The following PSMB8 variants were observed in gnomAD, a reference collection of about 807,000 sequenced individuals.
The protein encoded by PSMB8 is proteasome subunit beta type-8.
In PSMB8, 20 loss-of-function variants were observed where a neutral mutation model predicts 32.3. The ratio of observed to expected loss-of-function variants is 0.62; its 90% confidence interval spans 0.44 to 0.90. The LOEUF is 0.90. Ranked by LOEUF, PSMB8 falls within the 40% of genes least tolerant of loss-of-function variation. PSMB8 has a pLI of 0.00. For missense variants in PSMB8, 342 were observed against 365.4 expected (o/e 0.94, Z 0.52); for synonymous variants, 131 against 135.4 (o/e 0.97, Z 0.23).
chr6:32,844,310 G>C, upstream of PSMB8: 1 of 1,613,946 alleles, frequency 6.2e-7, no homozygotes, highest in Non-Finnish European at 8.5e-7. Flanking sequence ...GGAAACAGGG[G>C]TGGGTAGGGT....
intron 4 of PSMB8, 26 bp downstream of exon 4, chr6:32,842,108 G>A: frequency 6.2e-7 from 1 of 1,613,068 alleles, no homozygotes; most frequent in Non-Finnish European, 8.5e-7. Flanking sequence ...CATGGTGGGG[G>A]AACATGAAGA....
chr6:32,841,446 C>A lies in PSMB8; in HGVS notation c.742+85G>T, dbSNP rs2071627. ...AGAGACGGGGTTTCGCCATGTTGGC[C>A]AGGCTGGTTTCTCAATCTTAAATCA... On this transcript the variant is annotated intron_variant, in intron 5 of 5. Coordinates refer to ENST00000374882, the MANE Select transcript of PSMB8 (RefSeq NM_148919.4). The A allele has an allele frequency of 0.39, 549,812 of 1,392,178 alleles. 111,468 individuals carry two copies. The highest frequency in any genetic ancestry group is 0.48 in the Middle Eastern group (1,929 of 4,012). 86.2% of individuals were successfully genotyped at this position (1,392,178 alleles called of 1,614,324 possible). A position where few individuals can be genotyped will look rare whatever the true frequency, so the allele number is the denominator to read the frequency against.
upstream of PSMB8, chr6:32,844,466 CA>C: frequency 6.2e-7 from 1 of 1,608,640 alleles, no homozygotes; most frequent in Admixed American, 1.7e-5. Context: ...GTCTTGGAAA[CA>C]GGTCCTGGGC....
chr6:32,840,928 G>A lies in PSMB8; in HGVS notation c.*31C>T, dbSNP rs1201588718. ...TCCCTGAGTCGGCCAAGACCTCCCAGAGGAGACCTGCCCAGCTGCCACCAC... is the reference window on the plus strand; with the variant it reads ...TCCCTGAGTCGGCCAAGACCTCCCAAAGGAGACCTGCCCAGCTGCCACCAC... On this transcript the variant is annotated 3_prime_UTR_variant, in exon 6 of 6. Coordinates refer to ENST00000374882, the MANE Select transcript of PSMB8 (RefSeq NM_148919.4). 4.4e-6 allele frequency: 7 copies of A among 1,581,054 alleles called. No homozygotes were observed. The highest frequency in any genetic ancestry group is 6.1e-6 in the Non-Finnish European group (7 of 1,150,112).
chr6:32,841,420 TAG>T, intron 5 of PSMB8, 109 bp downstream of exon 5: 1 of 1,146,466 alleles, frequency 8.7e-7, no homozygotes, highest in Non-Finnish European at 1.3e-6. Flanking sequence ...GTAGTTTTAG[TAG>T]AGACGGGGTT....
intron 5 of PSMB8, 115 bp from the exon 6 acceptor site, chr6:32,841,162 C>T (rs1562347765): frequency 5.4e-6 from 5 of 922,932 alleles, no homozygotes; most frequent in Middle Eastern, 2.1e-4. Context: ...AACCATATGA[C>T]TGGGCCTTTA....
upstream of PSMB8, chr6:32,844,492 T>A: frequency 6.4e-7 from 1 of 1,553,420 alleles, no homozygotes; most frequent in South Asian, 1.1e-5. Context: ...TGCAACAGAA[T>A]ATACCCGCCG....
chr6:32,844,211 C>G, upstream of PSMB8: 3 of 1,590,350 alleles, frequency 1.9e-6, no homozygotes, highest in African/African-American at 1.3e-5. Context: ...AAGGGTCTTC[C>G]GAAGAAAGCG....
intron 3 of PSMB8, 42 bp from the exon 4 acceptor site, chr6:32,842,305 C>G (rs945825518): frequency 1.2e-6 from 2 of 1,609,638 alleles, no homozygotes; most frequent in African/African-American, 2.7e-5. Flanking sequence ...GAGGTTAGCT[C>G]TTTCCAACTT....
chr6:32,843,917 C>G lies in PSMB8; in HGVS notation c.80G>C (p.Arg27Pro). The G allele has an allele frequency of 6.2e-7, 1 of 1,612,642 alleles. No individual in the cohort carries two copies. The highest frequency in any genetic ancestry group is 8.5e-7 in the Non-Finnish European group (1 of 1,179,930). ...GAAACTGTAGTGTCCTGGGTCCGAGCGACGCCCGCTTCCCGCAACCGGGAG... is the reference window on the plus strand; with the variant it reads ...GAAACTGTAGTGTCCTGGGTCCGAGGGACGCCCGCTTCCCGCAACCGGGAG... ...SALPVAGSGRRSDPGHYSFSM... is the reference protein window; with the variant it reads ...SALPVAGSGRPSDPGHYSFSM... The change falls in exon 1 of 6, where the codon CGC (arginine) becomes CCC (proline). Residue 27 changes from arginine to proline, a missense_variant. Coordinates refer to ENST00000374882, the MANE Select transcript of PSMB8 (RefSeq NM_148919.4).
In PSMB8 at chr6:32,843,102, A is replaced by G. The variant is rs1770037042; in HGVS notation, c.148-13T>C. 6.2e-7 allele frequency: 1 copy of G among 1,612,942 alleles called. No homozygotes were observed. The highest frequency in any genetic ancestry group is 1.7e-5 in the Admixed American group (1 of 60,006). On this transcript the variant is annotated splice_polypyrimidine_tract_variant and intron_variant, in intron 1 of 5. Coordinates refer to ENST00000374882, the MANE Select transcript of PSMB8 (RefSeq NM_148919.4). ...AGAATTCTGTGGGCTGATAAGAGAA[A>G]AGAGGTTGAGAAAGGCAATGAAAAA...
At position 32,841,550 on chromosome 6, in the gene PSMB8, AT is replaced by A. The variant is rs771095269; in HGVS notation, c.722del (p.Tyr241PhefsTer11). ...AIAYATHRDS[Y>X]SGGVVNMYHM... Reference sequence around the variant, plus strand: ...TCTTACTATTGACAACGCCTCCAGAATAGCTGTCTCTGTGAGTGGCATAAGC... The same window carrying A: ...TCTTACTATTGACAACGCCTCCAGAAAGCTGTCTCTGTGAGTGGCATAAGC... On this transcript the variant is annotated frameshift_variant, in exon 5 of 6. Transcript: ENST00000374882. LOFTEE classifies it high-confidence loss of function. The A allele has an allele frequency of 6.2e-7, 1 of 1,612,632 alleles. No individual in the cohort carries two copies. The highest frequency in any genetic ancestry group is 8.5e-7 in the Non-Finnish European group (1 of 1,180,016).
At chr6:32,841,167 C>T in intron 5 of PSMB8, 120 bp from the exon 6 acceptor site, 1 of 835,548 alleles carries the variant, frequency 1.2e-6, no homozygotes, top group Non-Finnish European at 2.1e-6. Context: ...TATGACTGGG[C>T]CTTTAATGCC....
At chr6:32,844,347 C>T, upstream of PSMB8, 11 of 1,613,900 alleles carry the variant, frequency 6.8e-6, no homozygotes, top group African/African-American at 1.3e-5. Flanking sequence ...GCAGCTTCAA[C>T]CAGAAGACTA....
intron 4 of PSMB8, 53 bp from the exon 5 acceptor site, chr6:32,841,788 T>C (rs1394762542): frequency 6.6e-7 from 1 of 1,515,192 alleles, no homozygotes; most frequent in Non-Finnish European, 9.2e-7. Flanking sequence ...GTTGGTAACA[T>C]GGGGGTTCAA....
upstream of PSMB8, chr6:32,844,131 G>C: frequency 6.6e-7 from 1 of 1,507,574 alleles, no homozygotes; most frequent in Non-Finnish European, 9.0e-7. Context: ...TTAGTGCCTG[G>C]ACCAGGACCA....
chr6:32,842,812 A>G (rs1303986716), intron 2 of PSMB8, 29 bp from the exon 3 acceptor site: 40 of 1,608,910 alleles, frequency 2.5e-5, no homozygotes, highest in Non-Finnish European at 3.2e-5. Flanking sequence ...TTGGGAGAGA[A>G]GGGATGACCC....
At position 32,844,023 on chromosome 6, in the gene PSMB8, C is replaced by A. The variant is rs771385982; in HGVS notation, c.-27G>T. 6.2e-7 allele frequency: 1 copy of A among 1,604,956 alleles called. No homozygotes were observed. Among genetic ancestry groups the A allele is most frequent in the Admixed American group, 1.7e-5 (1 of 59,662 alleles). On this transcript the variant is annotated 5_prime_UTR_variant, in exon 1 of 6. Coordinates refer to ENST00000374882, the MANE Select transcript of PSMB8 (RefSeq NM_148919.4). ...ACCGCCCAGCACCCAGAGATCTGTC[C>A]GCTCTCGGAGGAGGAAGTGAAAGCG...
intron 1 of PSMB8, 117 bp from the exon 2 acceptor site, chr6:32,843,206 A>G (rs1770044916): frequency 1.7e-6 from 2 of 1,193,008 alleles, no homozygotes; most frequent in Admixed American, 1.9e-5. Context: ...CTAACCATCA[A>G]TAAATGAAAC....
Sources: gnomAD v4.1 joint callset for allele counts on GRCh38, gnomAD v4.1.1 for gene constraint, MANE v1.5 for transcripts, NCBI Gene and HGNC (gene_info 2026-07-23, HGNC 2026-07-21) for gene names.